The following ZEB2 variants were observed in gnomAD, a reference collection of about 807,000 sequenced individuals.
ZEB2 encodes zinc finger E-box binding homeobox 2.
Under a neutral mutation model 99.9 loss-of-function variants are expected in ZEB2, and 6 were observed. The observed-to-expected ratio is 0.06, with a 90% CI of 0.03 to 0.12. The LOEUF is 0.12. Among genes scored for constraint, ZEB2 ranks in the 10% least tolerant of loss-of-function variants. The pLI is 1.00. For synonymous variants in ZEB2, 517 were observed against 542.5 expected, an observed-to-expected ratio of 0.95 and a Z score of 0.65; for missense variants, 969 against 1,502.8, an observed-to-expected ratio of 0.64 and a Z score of 5.87.
intron 1 of ZEB2, 62 bp downstream of exon 1, chr2:144,519,877 A>G: frequency 2.5e-6 from 1 of 392,316 alleles, no homozygotes; most frequent in Non-Finnish European, 4.9e-6. Flanking sequence ...GAAAAGGAGG[A>G]TGGAGGACGA....
intron 2 of ZEB2, chr2:144,513,231 GAAGTGGTAAAGAGT>G: frequency 7.8e-7 from 1 of 1,287,388 alleles, no homozygotes; most frequent in Non-Finnish European, 1.0e-6. Flanking sequence ...CTCCTTTAAG[GAAGTGGTAAAGAGT>G]GAGGGCTTAT....
chr2:144,501,255 A>G (rs533733555), intron 2 of ZEB2, among the ~76,000 whole-genome samples: 17 of 152,304 alleles, frequency 1.1e-4, no homozygotes, highest in African/African-American at 3.8e-4. Context: ...CTGCATTGGT[A>G]TCGTAGGGCT....
At chr2:144,441,271 C>T (rs1054416342) in intron 2 of ZEB2, among the ~76,000 whole-genome samples, 2 of 151,496 alleles carry the variant, frequency 1.3e-5, no homozygotes, top group African/African-American at 2.4e-5. Flanking sequence ...CCTTCCCTGC[C>T]GCCTTCTGTC....
chr2:144,458,069 G>A (rs1704144359), intron 2 of ZEB2, among the ~76,000 whole-genome samples: 1 of 151,542 alleles, frequency 6.6e-6, no homozygotes, highest in Non-Finnish European at 1.5e-5. Context: ...CTTGAAATTG[G>A]GCCTCAATTG....
intron 8 of ZEB2, among the ~76,000 whole-genome samples, chr2:144,396,947 G>T (rs1306572591): frequency 1.3e-5 from 2 of 152,010 alleles, no homozygotes; most frequent in African/African-American, 4.8e-5. Context: ...GTATTTTCCA[G>T]TATGCTTAAC....
chr2:144,472,193 T>A (rs1573779670), intron 2 of ZEB2, among the ~76,000 whole-genome samples: 1 of 151,130 alleles, frequency 6.6e-6, no homozygotes, highest in Non-Finnish European at 1.5e-5. Flanking sequence ...TCATGTTTTC[T>A]TCATCATCAT....
At chr2:144,432,851 G>A (rs1261470354) in intron 2 of ZEB2, among the ~76,000 whole-genome samples, 2 of 152,134 alleles carry the variant, frequency 1.3e-5, no homozygotes, top group African/African-American at 2.4e-5. Flanking sequence ...ATTCAATTTT[G>A]TATAATAACC....
chr2:144,416,790 A>G (rs948928306), intron 4 of ZEB2, among the ~76,000 whole-genome samples: 1 of 152,166 alleles, frequency 6.6e-6, no homozygotes, highest in African/African-American at 2.4e-5. Flanking sequence ...GTCTTGAAGA[A>G]AGTCTTCCCT....
At position 144,384,853 on chromosome 2, in the gene ZEB2, C is replaced by T. The variant is rs938048491; in HGVS notation, c.*4598G>A. On this transcript the variant is annotated 3_prime_UTR_variant, in exon 10 of 10. Coordinates refer to ENST00000627532, the MANE Select transcript of ZEB2 (RefSeq NM_014795.4). ...AGTCTGAATCTTTTTTTATGATGGGCACAAGCCATGTATTTTCTTCATCTT... is the reference window on the plus strand; with the variant it reads ...AGTCTGAATCTTTTTTTATGATGGGTACAAGCCATGTATTTTCTTCATCTT... The T allele has an allele frequency of 3.9e-5, 6 of 151,992 alleles. No homozygotes were observed. The highest frequency in any genetic ancestry group is 5.9e-5 in the Non-Finnish European group (4 of 67,978). 9.4% of individuals were successfully genotyped at this position (151,992 alleles called of 1,614,324 possible).
intron 2 of ZEB2, among the ~76,000 whole-genome samples, chr2:144,433,131 T>A (rs998078214): frequency 6.6e-6 from 1 of 152,132 alleles, no homozygotes; most frequent in African/African-American, 2.4e-5. Context: ...GCCCAAAGAA[T>A]TCCTTTCTGC....
intron 4 of ZEB2, chr2:144,405,446 TC>T (rs1703373434): frequency 4.3e-6 from 1 of 231,622 alleles, no homozygotes; most frequent in African/African-American, 2.4e-5. Context: ...ATTTAATTTT[TC>T]ATTGTCCACT....
In ZEB2 at chr2:144,398,952, T is replaced by A. The variant is rs761484056; in HGVS notation, c.2235A>T (p.Ala745=). ...AATTCGTAACACTGTTGTGGAGTTC[T>A]GCTATAGATGGTGATGTTATGGAGT... ...PMDSITSPSI[A]ELHNSVTNCD... Residue 745 remains alanine, a synonymous_variant, in exon 8 of 10, where the codon GCA becomes GCT. Coordinates refer to ENST00000627532, the MANE Select transcript of ZEB2 (RefSeq NM_014795.4). The A allele has an allele frequency of 6.2e-7, 1 of 1,614,202 alleles. No homozygotes were observed. Among genetic ancestry groups the A allele is most frequent in the Non-Finnish European group, 8.5e-7 (1 of 1,180,042 alleles).
chr2:144,404,693 C>G, intron 5 of ZEB2, 143 bp downstream of exon 5: 1 of 1,116,720 alleles, frequency 9.0e-7, no homozygotes, highest in South Asian at 1.6e-5. Context: ...CCTAAAATTA[C>G]AGTTCTAATC....
intron 2 of ZEB2, chr2:144,449,570 AC>A (rs1159642499): frequency 1.3e-5 from 2 of 152,096 alleles, no homozygotes; most frequent in Non-Finnish European, 2.9e-5. Context: ...GCTGAGTAAG[AC>A]CCCGTCAGAT....
intron 9 of ZEB2, 141 bp from the exon 10 acceptor site, chr2:144,390,169 G>A (rs1703138176): frequency 7.6e-6 from 7 of 918,104 alleles, no homozygotes; most frequent in Non-Finnish European, 1.2e-5. Context: ...TCTAATCGAT[G>A]GAGAGTTAGG....
chr2:144,508,071 A>G (rs1704974667), intron 2 of ZEB2, among the ~76,000 whole-genome samples: 1 of 152,206 alleles, frequency 6.6e-6, no homozygotes, highest in African/African-American at 2.4e-5. Context: ...GAAAAGGAAT[A>G]CTGCATGCTT....
At chr2:144,438,526 C>A (rs539933312) in intron 2 of ZEB2, among the ~76,000 whole-genome samples, 1 of 152,070 alleles carries the variant, frequency 6.6e-6, no homozygotes, top group Non-Finnish European at 1.5e-5. Flanking sequence ...TTCTCCTGAT[C>A]GCTGTGGCTT....
At chr2:144,419,660 A>G (rs1381952235) in intron 4 of ZEB2, among the ~76,000 whole-genome samples, 1 of 152,206 alleles carries the variant, frequency 6.6e-6, no homozygotes, top group African/African-American at 2.4e-5. Context: ...TCATTCACAC[A>G]CTTAAAAATT....
Position 144,402,773 on chromosome 2 carries a change from A to G in ZEB2, c.807+1143T>C, listed in dbSNP as rs572818507. On this transcript the variant is annotated intron_variant, in intron 6 of 9. Transcript: ENST00000627532. ...GGGAGATAAACTGTTACATAAGTGC[A>G]ACTATGCAAGCATATTTTTTATAAC... is the stretch of plus-strand genomic sequence containing the variant. Among the ~76,000 whole-genome samples the G allele has an allele frequency of 2.6e-5, 4 of 152,328 alleles. No homozygotes were observed. In the South Asian group the frequency reaches 8.3e-4, roughly 32 times the overall value.
Sources: allele counts gnomAD v4.1 joint callset (sites outside exome capture counted in the v4.1 genomes callset), GRCh38; gene constraint gnomAD v4.1.1; transcripts MANE v1.5; gene names NCBI Gene and HGNC (gene_info 2026-07-23, HGNC 2026-07-21).